The following LRRIQ1 variants were observed in gnomAD, a reference collection of about 807,000 sequenced individuals.
LRRIQ1 encodes leucine-rich repeat- and IQ domain-containing protein 1.
Under a neutral mutation model 211.9 loss-of-function variants are expected in LRRIQ1, and 210 were observed. The ratio of observed to expected loss-of-function variants is 0.99; its 90% CI spans 0.89 to 1.11. The LOEUF is 1.11. Ranked by LOEUF, LRRIQ1 falls within the 50% of genes most tolerant of loss-of-function variation. The pLI, the probability that LRRIQ1 is intolerant of heterozygous loss-of-function variation, is 0.00. For synonymous variants in LRRIQ1, 699 were observed against 650.1 expected (o/e 1.08, Z -1.14); for missense variants, 2,136 against 1,939.5 (o/e 1.10, Z -1.90).
intron 19 of LRRIQ1, among the ~76,000 whole-genome samples, chr12:85,144,941 G>T (rs1950140969): frequency 1.3e-5 from 2 of 150,858 alleles, no homozygotes; most frequent in Non-Finnish European, 1.5e-5. Flanking sequence ...GTTTGTTTTT[G>T]TTTTTTGTTT....
chr12:85,075,951 A>G (rs928523129), intron 11 of LRRIQ1, among the ~76,000 whole-genome samples: 6 of 152,118 alleles, frequency 3.9e-5, no homozygotes, highest in Non-Finnish European at 7.4e-5. Flanking sequence ...TAAATGATAG[A>G]GACAGGATTT....
intron 24 of LRRIQ1, among the ~76,000 whole-genome samples, chr12:85,182,891 T>A (rs2136894092): frequency 6.6e-6 from 1 of 152,260 alleles, no homozygotes; most frequent in South Asian, 2.1e-4. Context: ...CGAGGCAGTG[T>A]TGATCTGAAG....
chr12:85,128,778 TA>T (rs1327475975), intron 18 of LRRIQ1, among the ~76,000 whole-genome samples: 1 of 152,204 alleles, frequency 6.6e-6, no homozygotes, highest in Non-Finnish European at 1.5e-5. Flanking sequence ...AGCAAATAAT[TA>T]ATAGACTTGA....
At chr12:85,133,623 G>T (rs1888924404) in intron 18 of LRRIQ1, among the ~76,000 whole-genome samples, 1 of 152,044 alleles carries the variant, frequency 6.6e-6, no homozygotes. Context: ...TAGACGGAGT[G>T]GATATGTTTC....
Position 85,055,854 on chromosome 12 carries a change from AAGAGGAAAGGAAAAGG to A in LRRIQ1, c.1066_1081del (p.Glu356LysfsTer11). ...AAAGAAGAGAGAAAAAAGCAAAAGG[AAGAGGAAAGGAAAAGG>A]AGAGAAAAAGAATATGAAGAAAAAA... On this transcript the variant is annotated frameshift_variant, in exon 8 of 27. Transcript: ENST00000393217. LOFTEE classifies it high-confidence loss of function. 6.3e-7 allele frequency: 1 copy of A among 1,591,422 alleles called. No homozygotes were observed. Among genetic ancestry groups the A allele is most frequent in the Non-Finnish European group, 8.5e-7 (1 of 1,170,870 alleles).
intron 15 of LRRIQ1, among the ~76,000 whole-genome samples, chr12:85,108,888 G>A (rs7313036): frequency 0.28 from 41,990 of 151,894 alleles, 5,948 homozygotes; most frequent in Admixed American, 0.33. Flanking sequence ...AGCAAAATAT[G>A]TATTAGGACC....
intron 24 of LRRIQ1, among the ~76,000 whole-genome samples, chr12:85,180,227 G>A (rs976851248): frequency 4.0e-5 from 6 of 151,888 alleles, no homozygotes; most frequent in South Asian, 4.2e-4. Context: ...GTGAGGTTAT[G>A]GACCCTGAAA....
At chr12:85,121,138 CT>C (rs2136421554) in intron 15 of LRRIQ1, among the ~76,000 whole-genome samples, 2 of 151,908 alleles carry the variant, frequency 1.3e-5, no homozygotes, top group South Asian at 2.1e-4. Flanking sequence ...TTGATATAGA[CT>C]TTTGCAAATA....
intron 1 of LRRIQ1, among the ~76,000 whole-genome samples, chr12:85,036,668 C>T (rs1045874116): frequency 6.6e-5 from 10 of 152,104 alleles, no homozygotes; most frequent in African/African-American, 2.4e-4. Flanking sequence ...CCCCACAAAC[C>T]AATTGACGTT....
intron 24 of LRRIQ1, among the ~76,000 whole-genome samples, chr12:85,220,980 T>G (rs925813475): frequency 1.3e-5 from 2 of 151,720 alleles, no homozygotes; most frequent in Non-Finnish European, 2.9e-5. Flanking sequence ...CCCGGCTAAT[T>G]TTTGTATTTT....
rs775724645 is a variant in LRRIQ1, at chr12:85,153,746, T to A, written c.4625T>A (p.Ile1542Asn). 15 of 1,556,304 alleles carry A rather than the reference T, an allele frequency of 9.6e-6. No homozygotes were observed. Among genetic ancestry groups the A allele is most frequent in the Middle Eastern group, 1.7e-4 (1 of 5,888 alleles). Residue 1542 changes from isoleucine to asparagine, a missense_variant, in exon 22 of 27, where the codon ATT becomes AAT. Physicochemically the swap from Ile to Asn is moderately radical, Grantham distance 149 (BLOSUM62 -3). Coordinates refer to ENST00000393217, the MANE Select transcript of LRRIQ1 (RefSeq NM_001079910.2). Reference protein sequence around the residue: ...SLLKSEKEKKISEEWGFKDIS... With the variant: ...SLLKSEKEKKNSEEWGFKDIS... ...CTAAAATCTGAAAAAGAAAAAAAAA[T>A]TTCAGAAGAATGGTATGTAGTCAAT... is the stretch of plus-strand genomic sequence containing the variant.
intron 1 of LRRIQ1, among the ~76,000 whole-genome samples, chr12:85,257,022 A>G (rs1398595559): frequency 8.2e-6 from 1 of 121,386 alleles, no homozygotes; most frequent in Non-Finnish European, 1.6e-5. Context: ...TGTAATATAT[A>G]TACATATAAT....
chr12:85,145,311 C>T (rs1889815626), intron 19 of LRRIQ1, among the ~76,000 whole-genome samples: 1 of 151,400 alleles, frequency 6.6e-6, no homozygotes. Context: ...AGCCAGGATC[C>T]AAAAGCCTAG....
intron 13 of LRRIQ1, 52 bp from the exon 14 acceptor site, chr12:85,103,952 T>C: frequency 9.6e-7 from 1 of 1,046,012 alleles, no homozygotes; most frequent in Non-Finnish European, 1.4e-6. Context: ...AATGGTAACA[T>C]TAAGGACTTT....
chr12:85,059,315 C>T (rs1417175597), intron 8 of LRRIQ1, among the ~76,000 whole-genome samples: 1 of 152,004 alleles, frequency 6.6e-6, no homozygotes, highest in African/African-American at 2.4e-5. Flanking sequence ...TACTTCTTTA[C>T]ACATTGCCAG....
chr12:85,159,573 A>G (rs1218711348), intron 23 of LRRIQ1: 1 of 152,012 alleles, frequency 6.6e-6, no homozygotes, highest in Admixed American at 6.6e-5. Context: ...TACAACTAGT[A>G]AAATTTGGCA....
At chr12:85,197,965 T>TATATATATAATATATATATATA (rs1893043040) in intron 24 of LRRIQ1, among the ~76,000 whole-genome samples, 1 of 108,228 alleles carries the variant, frequency 9.2e-6, no homozygotes, top group East Asian at 2.2e-4. Flanking sequence ...ATATATTATA[T>TATATATATAATATATATATATA]ATAAATATAT....
chr12:85,094,869 T>C (rs1178164955), intron 11 of LRRIQ1, among the ~76,000 whole-genome samples: 2 of 152,112 alleles, frequency 1.3e-5, no homozygotes, highest in Non-Finnish European at 1.5e-5. Context: ...TGTGTTTGTG[T>C]GTGTATGTCT....
chr12:85,113,907 TTGTGTGTGTGTGTGTGTGTG>T (rs71076112), intron 15 of LRRIQ1, among the ~76,000 whole-genome samples: 1 of 140,966 alleles, frequency 7.1e-6, no homozygotes, highest in East Asian at 2.1e-4. Flanking sequence ...CAAATGAGTT[TTGTGTGTGTGTGTGTGTGTG>T]TGTGTGTGTG....
Sources: allele counts gnomAD v4.1 joint callset (sites outside exome capture counted in the v4.1 genomes callset), GRCh38; gene constraint gnomAD v4.1.1; transcripts MANE v1.5; gene names NCBI Gene and HGNC (gene_info 2026-07-23, HGNC 2026-07-21).